MAP4K4: variants seen among roughly 807,000 people sequenced by gnomAD.
MAP4K4 encodes the protein HPK/GCK-like kinase HGK.
In MAP4K4, 38 loss-of-function variants were observed where a neutral mutation model predicts 189.6. That is an observed-to-expected ratio of 0.20 (90% CI 0.15 to 0.26). MAP4K4 has a LOEUF of 0.26. Among genes scored for constraint, MAP4K4 ranks in the 10% least tolerant of loss-of-function variants. The pLI, the probability that MAP4K4 is intolerant of heterozygous loss-of-function variation, is 1.00. For missense variants in MAP4K4, 1,054 were observed against 1,726.9 expected (o/e 0.61, Z 6.91); for synonymous variants, 610 against 624.3 (o/e 0.98, Z 0.34).
intron 4 of MAP4K4, 70 bp downstream of exon 4, chr2:101,824,123 G>C (rs2096237557): frequency 1.1e-6 from 1 of 943,660 alleles, no homozygotes; most frequent in Non-Finnish European, 1.4e-6. Flanking sequence ...GGCGGGGGTG[G>C]GGGCGGGGGA....
intron 3 of MAP4K4, among the ~76,000 whole-genome samples, chr2:101,800,221 C>A (rs1032203047): frequency 6.6e-6 from 1 of 152,092 alleles, no homozygotes; most frequent in African/African-American, 2.4e-5. Context: ...CTTCAACTTC[C>A]CAGGCTCAAG....
chr2:101,705,340 G>A (rs1573841220), intron 2 of MAP4K4, among the ~76,000 whole-genome samples: 2 of 152,144 alleles, frequency 1.3e-5, no homozygotes, highest in African/African-American at 4.8e-5. Flanking sequence ...AATGCCAGCT[G>A]TGGGATGTCA....
chr2:101,811,385 A>G (rs13404055), intron 3 of MAP4K4, among the ~76,000 whole-genome samples: 1 of 140,974 alleles, frequency 7.1e-6, no homozygotes, highest in African/African-American at 2.8e-5. Context: ...AAAAAAAAAA[A>G]AAAAAAGAAT....
At chr2:101,763,990 T>A (rs1483566722) in intron 2 of MAP4K4, among the ~76,000 whole-genome samples, 1 of 152,086 alleles carries the variant, frequency 6.6e-6, no homozygotes, top group Non-Finnish European at 1.5e-5. Context: ...GAAATAGGAA[T>A]GTATGATGGC....
chr2:101,874,846 G>C (rs895291396), intron 26 of MAP4K4, among the ~76,000 whole-genome samples: 1 of 152,208 alleles, frequency 6.6e-6, no homozygotes, highest in African/African-American at 2.4e-5. Flanking sequence ...AAGATAGAGT[G>C]TAAGTGCCAC....
intron 26 of MAP4K4, among the ~76,000 whole-genome samples, chr2:101,874,911 C>T (rs1427485525): frequency 6.6e-6 from 1 of 152,100 alleles, no homozygotes; most frequent in African/African-American, 2.4e-5. Context: ...CTTGTTACTC[C>T]CTCATTCTTT....
intron 12 of MAP4K4, 43 bp from the exon 13 acceptor site, chr2:101,855,934 T>A: frequency 6.5e-7 from 1 of 1,529,848 alleles, no homozygotes; most frequent in Non-Finnish European, 8.8e-7. Flanking sequence ...ATGAGAAAGA[T>A]GGCGGGAAGA....
chr2:101,715,921 G>C (rs1431740343), intron 2 of MAP4K4, among the ~76,000 whole-genome samples: 1 of 152,144 alleles, frequency 6.6e-6, no homozygotes, highest in Non-Finnish European at 1.5e-5. Context: ...GGTGGCATTA[G>C]ATTCTCAAAG....
At chr2:101,745,334 C>G (rs904676425) in intron 2 of MAP4K4, among the ~76,000 whole-genome samples, 31 of 129,986 alleles carry the variant, frequency 2.4e-4, no homozygotes, top group Non-Finnish European at 4.2e-4. Context: ...TATCACCCCC[C>G]CCCCCCCAAT....
At position 101,825,340 on chromosome 2, in the gene MAP4K4, G is replaced by T; in HGVS notation, c.328G>T (p.Ala110Ser). Residue 110 changes from alanine (A) to serine (S), a missense_variant, in exon 5 of 33, where the codon GCT (alanine) becomes TCT (serine). Ala to Ser is a moderately conservative substitution (Grantham distance 99, BLOSUM62 1). This residue lies in a region of MAP4K4 where 200 missense variants were observed against 509.0 expected (regional missense o/e 0.39). Coordinates refer to ENST00000324219, the Ensembl canonical transcript of MAP4K4. ...ATAGCTTGTTATGGAGTTCTGTGGG[G>T]CTGGGTCCATTACAGACCTTGTGAA... The T allele has an allele frequency of 5.0e-6, 8 of 1,612,048 alleles. No homozygotes were observed. The Middle Eastern group carries it at 9.9e-4, about 199-fold the overall frequency.
intron 5 of MAP4K4, 96 bp downstream of exon 5, chr2:101,825,525 C>A: frequency 1.5e-6 from 1 of 672,904 alleles, no homozygotes. Context: ...TTACTTATAT[C>A]TATATAGATT....
At chr2:101,878,206 A>C (rs1477924375) in intron 27 of MAP4K4, among the ~76,000 whole-genome samples, 2 of 152,198 alleles carry the variant, frequency 1.3e-5, no homozygotes, top group Non-Finnish European at 2.9e-5. Context: ...TTAAGCATAC[A>C]CCACACTCAC....
chr2:101,870,449 C>T, intron 23 of MAP4K4, 34 bp downstream of exon 23: 1 of 1,611,042 alleles, frequency 6.2e-7, no homozygotes. Flanking sequence ...AGAGGCTGAG[C>T]TTCTCCTGTG....
At chr2:101,756,811 C>T (rs1050768004) in intron 2 of MAP4K4, among the ~76,000 whole-genome samples, 13 of 150,752 alleles carry the variant, frequency 8.6e-5, no homozygotes, top group Non-Finnish European at 1.0e-4. Flanking sequence ...AAGTGATCTG[C>T]CTGGCTCAGC....
chr2:101,815,750 C>T (rs919105104), intron 3 of MAP4K4, among the ~76,000 whole-genome samples: 1 of 152,178 alleles, frequency 6.6e-6, no homozygotes, highest in African/African-American at 2.4e-5. Context: ...TATTTGGCCC[C>T]ACTATCGAGG....
At chr2:101,865,593 G>A (rs1297859327) in intron 18 of MAP4K4, among the ~76,000 whole-genome samples, 1 of 152,122 alleles carries the variant, frequency 6.6e-6, no homozygotes, top group African/African-American at 2.4e-5. Flanking sequence ...AGTGCACTGG[G>A]TATATTCATG....
At chr2:101,893,400 T>G in exon 33 of MAP4K4, 1 of 366,086 alleles carries the variant, frequency 2.7e-6, no homozygotes, top group Non-Finnish European at 5.4e-6. Context: ...AAATTAATCC[T>G]ACCTTTAAAG....
chr2:101,720,307 A>G (rs13400697), intron 2 of MAP4K4, among the ~76,000 whole-genome samples: 52,083 of 150,772 alleles, frequency 0.35, 9,120 homozygotes, highest in Admixed American at 0.36. Flanking sequence ...CTGAGTCGCC[A>G]GGATTACAGG....
At chr2:101,869,363 T>G (rs558728332) in intron 21 of MAP4K4, among the ~76,000 whole-genome samples, 4 of 151,994 alleles carry the variant, frequency 2.6e-5, no homozygotes, top group African/African-American at 9.6e-5. Flanking sequence ...GATCTTTTTT[T>G]TATTGTCATG....
Sources: allele counts gnomAD v4.1 joint callset (sites outside exome capture counted in the v4.1 genomes callset), GRCh38; gene constraint gnomAD v4.1.1; regional missense constraint gnomAD v4.1.1; transcripts MANE v1.5; gene names NCBI Gene and HGNC (gene_info 2026-07-23, HGNC 2026-07-21).